The following SHROOM4 variants were observed in gnomAD, a reference collection of about 807,000 sequenced individuals.
The protein encoded by SHROOM4 is shroom family member 4, also known as protein Shroom4.
SHROOM4 carries 17 observed loss-of-function variants against 80.3 expected under a neutral mutation model. The ratio of observed to expected loss-of-function variants is 0.21; its 90% CI spans 0.14 to 0.32. The LOEUF is 0.32. Among genes scored for constraint, SHROOM4 ranks in the 10% least tolerant of loss-of-function variants. The pLI, the probability that SHROOM4 is intolerant of heterozygous loss-of-function variation, is 1.00. For missense variants in SHROOM4, 993 were observed against 1,140.3 expected, an observed-to-expected ratio of 0.87 and a Z score of 1.86; for synonymous variants, 400 against 437.5, an observed-to-expected ratio of 0.91 and a Z score of 1.07.
intron 1 of SHROOM4, among the ~76,000 whole-genome samples, chrX:50,717,227 T>C (rs1252578476): frequency 9.0e-6 from 1 of 111,615 alleles, no homozygotes. Flanking sequence ...GTTTTTTTGT[T>C]TGTTTGTTTG....
chrX:50,726,917 TAGATCCACTGA>T (rs2147530197), intron 1 of SHROOM4, among the ~76,000 whole-genome samples: 1 of 112,415 alleles, frequency 8.9e-6, no homozygotes, highest in East Asian at 2.8e-4. Context: ...CCCAGAATGG[TAGATCCACTGA>T]CAGCTTGCAC....
chrX:50,668,101 G>T (rs1932747194), intron 2 of SHROOM4, among the ~76,000 whole-genome samples: 1 of 112,120 alleles, frequency 8.9e-6, no homozygotes, highest in South Asian at 3.8e-4. Context: ...GTGTTGGTAG[G>T]AAAGACCAAA....
rs1415490197 is a variant in SHROOM4 at position 50,587,596 on chromosome X, G to A, written c.*9099C>T. ...ATACCAGGGTAAAAAGTGATTGTGT[G>A]TATATTTCTGTATATAAAGTATTAT... On this transcript the variant is annotated 3_prime_UTR_variant, in exon 9 of 9. Transcript: ENST00000376020. Among the ~76,000 whole-genome samples, 2 of 112,008 alleles carry A rather than the reference G, an allele frequency of 1.8e-5. No homozygotes were observed. The highest frequency in any genetic ancestry group is 3.8e-5 in the Non-Finnish European group (2 of 53,149).
At position 50,720,825 on chromosome X, in the gene SHROOM4, C is replaced by G. The variant is rs148635402; in HGVS notation, c.118-24888G>C. On this transcript the variant is annotated intron_variant, in intron 1 of 8. Coordinates refer to ENST00000376020, the MANE Select transcript of SHROOM4 (RefSeq NM_020717.5). ...CATTCATTCCTGGCTGAAGGAATAG[C>G]AGATGGAAAGGCACTGATGTGGGGA... 2.9e-3 allele frequency among the ~76,000 whole-genome samples: 325 copies of G among 110,724 alleles called. 2 individuals carry two copies. The highest frequency in any genetic ancestry group is 0.01 in the African/African-American group (315 of 30,435).
In SHROOM4 at chrX:50,598,335, T is replaced by C. The variant is rs782354185; in HGVS notation, c.4143A>G (p.Ser1381=). The change falls in exon 8 of 9, where the codon TCA becomes TCG. Residue 1381 remains serine, a synonymous_variant. Transcript: ENST00000376020. ...DLDKVVNLLL[S]LSGRLARVEN... ...CCACCCGGGCCAGTCGTCCAGAGAG[T>C]GACAGCAACAGGTTGACCACTTTGT... 2 of 1,208,848 alleles carry C rather than the reference T, an allele frequency of 1.7e-6. No individual in the cohort carries two copies. Among genetic ancestry groups the C allele is most frequent in the Non-Finnish European group, 2.2e-6 (2 of 895,080 alleles).
At chrX:50,769,972 T>C (rs781894002) in intron 1 of SHROOM4, among the ~76,000 whole-genome samples, 1 of 109,859 alleles carries the variant, frequency 9.1e-6, no homozygotes, top group Non-Finnish European at 1.9e-5. Context: ...TTCCACATGT[T>C]CTCGGGGGGA....
chrX:50,592,714 A>G lies in SHROOM4; in HGVS notation c.*3981T>C, dbSNP rs1557245763. ...AGGGAGCTGAGCATGAAGGTGTGAGATTGGACTATCAGCTAGAAGTAAGAT... is the reference window on the plus strand; with the variant it reads ...AGGGAGCTGAGCATGAAGGTGTGAGGTTGGACTATCAGCTAGAAGTAAGAT... On this transcript the variant is annotated 3_prime_UTR_variant, in exon 9 of 9. Coordinates refer to ENST00000376020, the MANE Select transcript of SHROOM4 (RefSeq NM_020717.5). The G allele has an allele frequency of 8.4e-6, 1 of 119,249 alleles. No homozygotes were observed. Among genetic ancestry groups the G allele is most frequent in the African/African-American group, 3.2e-5 (1 of 30,886 alleles). The allele number at this position is 119,249 out of a possible 1,213,427, so 9.8% of individuals were successfully genotyped here.
chrX:50,762,179 A>G (rs1413770668), intron 1 of SHROOM4, among the ~76,000 whole-genome samples: 1 of 109,445 alleles, frequency 9.1e-6, no homozygotes, highest in African/African-American at 3.5e-5. Context: ...TGAAGGAACA[A>G]AAAAGAAATA....
intron 1 of SHROOM4, among the ~76,000 whole-genome samples, chrX:50,746,700 C>G (rs949213312): frequency 8.9e-6 from 1 of 112,008 alleles, no homozygotes; most frequent in Non-Finnish European, 1.9e-5. Context: ...TGCTTAGGTA[C>G]CAGCAAGGGC....
chrX:50,627,911 T>C (rs2147278302), intron 4 of SHROOM4, among the ~76,000 whole-genome samples: 1 of 111,829 alleles, frequency 8.9e-6, no homozygotes, highest in African/African-American at 3.3e-5. Context: ...CTGGACACCA[T>C]GGTCTAGGAA....
chrX:50,734,229 A>G (rs1934430284), intron 1 of SHROOM4, among the ~76,000 whole-genome samples: 1 of 111,672 alleles, frequency 9.0e-6, no homozygotes, highest in African/African-American at 3.3e-5. Context: ...AATTCCTACT[A>G]GAATCTCAGC....
At chrX:50,580,825 T>C in the SHROOM4 span, among the ~76,000 whole-genome samples, 1 of 112,376 alleles carries the variant, frequency 8.9e-6, no homozygotes, top group African/African-American at 3.2e-5. Context: ...CCAATTCTTT[T>C]ACTGTTGGAC....
Position 50,635,187 on chromosome X carries a change from G to A in SHROOM4, c.886C>T (p.Arg296Cys), listed in dbSNP as rs782284101. 2.1e-5 allele frequency: 25 copies of A among 1,203,014 alleles called. No homozygotes were observed. Among genetic ancestry groups the A allele is most frequent in the African/African-American group, 5.2e-5 (3 of 57,283 alleles). Residue 296 changes from arginine (R) to cysteine (C), a missense_variant, in exon 4 of 9, where the codon CGC becomes TGC. By Grantham distance (180) the Arg-to-Cys change is radical. Transcript: ENST00000376020. Reference protein sequence around the residue: ...SRAQLLNGEQRRASEPVVPLP... With the variant: ...SRAQLLNGEQCRASEPVVPLP... ...GGGACCACAGGCTCAGATGCCCTGC[G>A]CTGCTCTCCATTGAGGAGTTGGGCT...
chrX:50,729,036 C>T (rs185037836), intron 1 of SHROOM4, among the ~76,000 whole-genome samples: 33 of 111,448 alleles, frequency 3.0e-4, no homozygotes, highest in African/African-American at 9.8e-4. Context: ...ATGGTCATTA[C>T]TTAAAGCTGC....
chrX:50,752,468 G>A (rs1381448999), intron 1 of SHROOM4, among the ~76,000 whole-genome samples: 10 of 111,145 alleles, frequency 9.0e-5, no homozygotes, highest in African/African-American at 3.3e-4. Flanking sequence ...ACAGCTTAAG[G>A]GCTGAGGGGT....
intron 1 of SHROOM4, among the ~76,000 whole-genome samples, chrX:50,752,932 T>C (rs140589726): frequency 1.1e-4 from 12 of 112,113 alleles, no homozygotes; most frequent in African/African-American, 3.9e-4. Context: ...TAATCTCACA[T>C]AGGGTCACAT....
At chrX:50,630,019 A>G (rs1279956937) in intron 4 of SHROOM4, among the ~76,000 whole-genome samples, 2 of 111,137 alleles carry the variant, frequency 1.8e-5, no homozygotes, top group Admixed American at 1.9e-4. Flanking sequence ...AATGCCTAGT[A>G]TCTAAGCAGA....
intron 2 of SHROOM4, among the ~76,000 whole-genome samples, chrX:50,640,411 C>A (rs782731134): frequency 9.2e-6 from 1 of 108,329 alleles, no homozygotes; most frequent in Non-Finnish European, 1.9e-5. Context: ...CCCCTACCCC[C>A]CCTCCATTTT....
chrX:50,749,184 C>T (rs1216640094), intron 1 of SHROOM4, among the ~76,000 whole-genome samples: 1 of 112,072 alleles, frequency 8.9e-6, no homozygotes, highest in Non-Finnish European at 1.9e-5. Flanking sequence ...TGCACTTCAG[C>T]GTGGGTGCCA....
Sources: allele counts gnomAD v4.1 joint callset (sites outside exome capture counted in the v4.1 genomes callset), GRCh38; gene constraint gnomAD v4.1.1; transcripts MANE v1.5; gene names NCBI Gene and HGNC (gene_info 2026-07-23, HGNC 2026-07-21).